The following ACAD10 variants were observed in gnomAD, a reference collection of about 807,000 sequenced individuals.
ACAD10 encodes the protein acyl-CoA dehydrogenase family member 10.
A neutral mutation model predicts 116.8 loss-of-function variants in ACAD10; 112 were observed. The observed-to-expected ratio is 0.96, with a 90% CI of 0.82 to 1.12. ACAD10 has a LOEUF of 1.12. ACAD10 is among the 50% of genes most tolerant of loss of function. The pLI, the probability that ACAD10 is intolerant of heterozygous loss-of-function variation, is 0.00. For missense variants in ACAD10, 1,259 were observed against 1,350.2 expected, an observed-to-expected ratio of 0.93 and a Z score of 1.06; for synonymous variants, 486 against 510.6, an observed-to-expected ratio of 0.95 and a Z score of 0.65.
At chr12:111,691,385 G>C (rs577645680) in intron 1 of ACAD10, among the ~76,000 whole-genome samples, 2 of 152,206 alleles carry the variant, frequency 1.3e-5, no homozygotes, top group South Asian at 4.1e-4. Flanking sequence ...GACTCCTAAT[G>C]AGTCTTTTCT....
chr12:111,751,541 G>A (rs866811986), intron 18 of ACAD10, among the ~76,000 whole-genome samples: 12 of 151,552 alleles, frequency 7.9e-5, no homozygotes, highest in South Asian at 4.2e-4. Flanking sequence ...GACCAGCCTC[G>A]CCAACATGGT....
At chr12:111,746,770 T>G (rs1448553491) in intron 14 of ACAD10, among the ~76,000 whole-genome samples, 1 of 152,046 alleles carries the variant, frequency 6.6e-6, no homozygotes, top group Non-Finnish European at 1.5e-5. Flanking sequence ...GAGGCCGAAG[T>G]GTGGGGGATC....
intron 4 of ACAD10, among the ~76,000 whole-genome samples, chr12:111,707,089 ACT>A (rs1888533950): frequency 7.6e-6 from 1 of 130,870 alleles, no homozygotes; most frequent in Non-Finnish European, 1.6e-5. Flanking sequence ...CTATTTGGGT[ACT>A]CTCTTTTTTT....
rs756399429 is a variant in ACAD10, at chr12:111,753,932, G to A, written c.2961+17G>A. ...GGAAACAAGGTAGGGGCAGGGGCAC[G>A]AGGGGGCCTCCCAGAGGCAGAGATT... is the stretch of plus-strand genomic sequence containing the variant. On this transcript the variant is annotated intron_variant, in intron 19 of 20. Coordinates refer to ENST00000313698, the MANE Select transcript of ACAD10 (RefSeq NM_025247.6). 6.9e-5 allele frequency: 110 copies of A among 1,587,536 alleles called. No homozygotes were observed. Among genetic ancestry groups the A allele is most frequent in the Middle Eastern group, 6.6e-4 (3 of 4,562 alleles).
chr12:111,752,378 C>G (rs950811040), intron 18 of ACAD10, among the ~76,000 whole-genome samples: 26 of 151,624 alleles, frequency 1.7e-4, no homozygotes, highest in African/African-American at 6.1e-4. Flanking sequence ...CCAAGGCAGG[C>G]AGATCACCTG....
At chr12:111,701,410 AGTAC>A (rs1888345764) in intron 2 of ACAD10, among the ~76,000 whole-genome samples, 1 of 141,710 alleles carries the variant, frequency 7.1e-6, no homozygotes. Flanking sequence ...AATCACACAC[AGTAC>A]CTTGGGAGGC....
intron 3 of ACAD10, 28 bp from the exon 4 acceptor site, chr12:111,705,710 G>A (rs751968205): frequency 1.3e-6 from 2 of 1,591,124 alleles, no homozygotes; most frequent in South Asian, 2.2e-5. Context: ...AATGATTGCT[G>A]TTCTCCTGTG....
chr12:111,732,598 A>G (rs767925187), intron 10 of ACAD10, among the ~76,000 whole-genome samples: 6 of 152,094 alleles, frequency 3.9e-5, no homozygotes, highest in Admixed American at 6.6e-5. Flanking sequence ...CATTCTCTGT[A>G]TTTTTCTGCA....
chr12:111,701,529 G>T (rs1888349605), intron 2 of ACAD10, among the ~76,000 whole-genome samples: 1 of 152,194 alleles, frequency 6.6e-6, no homozygotes, highest in Non-Finnish European at 1.5e-5. Flanking sequence ...GCCAGGCTTG[G>T]TGGTGCACGC....
chr12:111,709,456 A>T, intron 4 of ACAD10, 70 bp from the exon 5 acceptor site: 1 of 1,346,718 alleles, frequency 7.4e-7, no homozygotes. Flanking sequence ...CCTCTCAAAA[A>T]GTTTACCAGC....
At chr12:111,704,688 CTT>C (rs59745029) in intron 3 of ACAD10, among the ~76,000 whole-genome samples, 14 of 126,114 alleles carry the variant, frequency 1.1e-4, no homozygotes, top group East Asian at 2.4e-4. Context: ...TTCTTTCTTT[CTT>C]TTTTTTTTTT....
intron 7 of ACAD10, among the ~76,000 whole-genome samples, chr12:111,718,170 C>T (rs1444721765): frequency 6.7e-6 from 1 of 149,610 alleles, no homozygotes; most frequent in Non-Finnish European, 1.5e-5. Context: ...CTGCCTTAGC[C>T]TCCCAAGTAA....
At chr12:111,747,754 A>G in intron 16 of ACAD10, 1 of 1,061,242 alleles carries the variant, frequency 9.4e-7, no homozygotes, top group Non-Finnish European at 1.1e-6. Flanking sequence ...GCTAATGACA[A>G]TCCTGACTTT....
intron 3 of ACAD10, among the ~76,000 whole-genome samples, chr12:111,703,284 CT>C (rs1488444793): frequency 6.6e-6 from 1 of 152,066 alleles, no homozygotes; most frequent in Non-Finnish European, 1.5e-5. Context: ...ATTCAGCAAC[CT>C]GAAAGCTCCC....
intron 5 of ACAD10, among the ~76,000 whole-genome samples, chr12:111,710,694 C>T (rs1196268111): frequency 6.6e-6 from 1 of 151,936 alleles, no homozygotes; most frequent in Admixed American, 6.6e-5. Context: ...AGGGTTTCAC[C>T]ATGTTGCCCA....
intron 1 of ACAD10, 119 bp from the exon 2 acceptor site, chr12:111,692,578 T>C: frequency 1.0e-6 from 1 of 991,532 alleles, no homozygotes. Context: ...TGGGTGTGAT[T>C]CGAAGTGCCT....
intron 14 of ACAD10, 37 bp downstream of exon 14, chr12:111,746,321 A>G (rs1350653561): frequency 1.3e-6 from 2 of 1,588,304 alleles, no homozygotes; most frequent in Admixed American, 3.7e-5. Context: ...GTGTGGGAAC[A>G]TCCTGATCTT....
chr12:111,747,013 C>A, intron 14 of ACAD10, 36 bp from the exon 15 acceptor site: 1 of 1,540,384 alleles, frequency 6.5e-7, no homozygotes, highest in Non-Finnish European at 8.8e-7. Flanking sequence ...TAGAAGAGGA[C>A]ATGACAGTCA....
intron 11 of ACAD10, among the ~76,000 whole-genome samples, chr12:111,735,887 T>C (rs1032356736): frequency 5.3e-5 from 8 of 152,152 alleles, no homozygotes; most frequent in African/African-American, 1.9e-4. Context: ...TCACTCGTTT[T>C]ATTTATTTTT....
Sources: allele counts gnomAD v4.1 joint callset (sites outside exome capture counted in the v4.1 genomes callset), GRCh38; gene constraint gnomAD v4.1.1; transcripts MANE v1.5; gene names NCBI Gene and HGNC (gene_info 2026-07-23, HGNC 2026-07-21).